PRKAR1B: variants seen among roughly 807,000 people sequenced by gnomAD.
PRKAR1B encodes cAMP-dependent protein kinase type I-beta regulatory subunit.
Under a neutral mutation model 46.5 loss-of-function variants are expected in PRKAR1B, and 22 were observed. The observed-to-expected ratio is 0.47, with a 90% CI of 0.34 to 0.68. The LOEUF (loss-of-function observed/expected upper bound fraction) is 0.68. PRKAR1B is among the 30% of genes least tolerant of loss of function. The probability of loss-of-function intolerance (pLI) is 0.01; values close to 1 mark genes in which losing one functional copy is unlikely to be tolerated. For synonymous variants in PRKAR1B, 259 were observed against 217.7 expected, an observed-to-expected ratio of 1.19 and a Z score of -1.67; for missense variants, 445 against 535.6, an observed-to-expected ratio of 0.83 and a Z score of 1.67.
chr7:668,006 T>C (rs758242192), intron 4 of PRKAR1B, among the ~76,000 whole-genome samples: 2 of 152,228 alleles, frequency 1.3e-5, no homozygotes, highest in African/African-American at 2.4e-5. Flanking sequence ...CAACCTTATG[T>C]ATCTCCCACA....
rs777965152 is a variant in PRKAR1B, at chr7:560,526, CT to C, written c.892-9057del. On this transcript the variant is annotated intron_variant, in intron 9 of 10. Transcript: ENST00000537384. This position sits in a 1 kb window ranked among gnomAD's most constrained non-coding sequence, Gnocchi z 4.2. ...ACACGAGCTTAACCCAGGCTTCCCC[CT>C]GACCTGGCCAGGAACAAATGGGACT... 1.1e-4 allele frequency among the ~76,000 whole-genome samples: 17 copies of C among 152,194 alleles called. No individual in the cohort carries two copies. The highest frequency in any genetic ancestry group is 2.2e-4 in the Non-Finnish European group (15 of 68,034).
chr7:676,798 C>T (rs1026568800), intron 4 of PRKAR1B, among the ~76,000 whole-genome samples: 25 of 152,252 alleles, frequency 1.6e-4, no homozygotes, highest in African/African-American at 5.8e-4. Context: ...GCGGTGATTC[C>T]CAGGAGAGCA....
At chr7:727,458 G>A, upstream of PRKAR1B, 2 of 332,824 alleles carry the variant, frequency 6.0e-6, no homozygotes, top group East Asian at 4.9e-5. Flanking sequence ...CCCCCCATGC[G>A]CCGCTTCCCC....
chr7:726,880 C>T (rs1245470608), intron 1 of PRKAR1B: 2 of 1,327,154 alleles, frequency 1.5e-6, no homozygotes, highest in South Asian at 1.9e-5. Flanking sequence ...GGAGGCCCTG[C>T]GGCGCGCGCT....
intron 4 of PRKAR1B, among the ~76,000 whole-genome samples, chr7:645,946 G>A (rs962600770): frequency 2.6e-5 from 4 of 152,242 alleles, no homozygotes; most frequent in Non-Finnish European, 5.9e-5. Flanking sequence ...AAGGGCAGGA[G>A]CTGACAGCAA....
chr7:588,450 GTGA>G (rs1780727544), intron 7 of PRKAR1B, among the ~76,000 whole-genome samples: 1 of 92,938 alleles, frequency 1.1e-5, no homozygotes, highest in Non-Finnish European at 2.4e-5. Context: ...AGTGGTGATG[GTGA>G]TGGTGATGGT....
Position 549,877 on chromosome 7 carries a change from A to C in PRKAR1B, c.*553T>G. ...GCATCCGCAGCAGGGCCCCCGGGGGAGGTGGGGGTGCGGCGGGGTGCAGTG... is the reference window on the plus strand; with the variant it reads ...GCATCCGCAGCAGGGCCCCCGGGGGCGGTGGGGGTGCGGCGGGGTGCAGTG... On this transcript the variant is annotated 3_prime_UTR_variant, in exon 11 of 11. Transcript: ENST00000537384. The C allele has an allele frequency of 6.5e-6, 1 of 153,970 alleles. No individual in the cohort carries two copies. Among genetic ancestry groups the C allele is most frequent in the Admixed American group, 6.4e-5 (1 of 15,662 alleles). The allele number at this position is 153,970 out of a possible 1,614,324, so 9.5% of individuals were successfully genotyped here.
chr7:685,307 C>CAT (rs1562615688), intron 2 of PRKAR1B, among the ~76,000 whole-genome samples: 4 of 8,346 alleles, frequency 4.8e-4, no homozygotes, highest in African/African-American at 2.0e-3. Context: ...TATATATATA[C>CAT]GTATATATAC....
chr7:569,044 C>A (rs1779342894), intron 9 of PRKAR1B, among the ~76,000 whole-genome samples: 1 of 146,614 alleles, frequency 6.8e-6, no homozygotes, highest in South Asian at 2.3e-4. Context: ...GGGTGTTAAA[C>A]TTTGTATAAT....
At chr7:655,145 G>C (rs1422588706) in intron 4 of PRKAR1B, among the ~76,000 whole-genome samples, 1 of 152,198 alleles carries the variant, frequency 6.6e-6, no homozygotes, top group East Asian at 1.9e-4. Flanking sequence ...TGGAGAGCCA[G>C]ACAGACCCTG....
At chr7:650,470 C>T (rs1332165426) in intron 4 of PRKAR1B, among the ~76,000 whole-genome samples, 1 of 152,112 alleles carries the variant, frequency 6.6e-6, no homozygotes, top group Non-Finnish European at 1.5e-5. Flanking sequence ...CTCCGAACCT[C>T]CAGCTCTGGG....
rs942563617 is a variant in PRKAR1B at position 666,411 on chromosome 7, G to C, written c.440+10818C>G. On this transcript the variant is annotated intron_variant, in intron 4 of 10. Coordinates refer to ENST00000537384, the MANE Select transcript of PRKAR1B (RefSeq NM_001164760.2). The surrounding 1 kb of genome is among the most constrained non-coding windows in gnomAD (Gnocchi z 4.9). ...CCTGGCCGAGGCGTAACTGCCCCGG[G>C]CACCCCAGGTAGGATGCGGAATCTG... is the stretch of plus-strand genomic sequence containing the variant. Among the ~76,000 whole-genome samples, 3 of 152,162 alleles carry C rather than the reference G, an allele frequency of 2.0e-5. No individual in the cohort carries two copies. Among genetic ancestry groups the C allele is most frequent in the Non-Finnish European group, 4.4e-5 (3 of 68,024 alleles).
intron 1 of PRKAR1B, among the ~76,000 whole-genome samples, chr7:724,496 A>T (rs1373304680): frequency 6.6e-6 from 1 of 152,186 alleles, no homozygotes; most frequent in Non-Finnish European, 1.5e-5. Context: ...GCCTTCGGCC[A>T]TCATTGTGAG....
chr7:669,307 A>G (rs1403628638), intron 4 of PRKAR1B, among the ~76,000 whole-genome samples: 2 of 152,200 alleles, frequency 1.3e-5, no homozygotes, highest in African/African-American at 4.8e-5. Context: ...TAGAAAGAGA[A>G]AGTAAATTGG....
At chr7:697,508 G>A (rs1779808028) in intron 2 of PRKAR1B, among the ~76,000 whole-genome samples, 1 of 152,156 alleles carries the variant, frequency 6.6e-6, no homozygotes, top group African/African-American at 2.4e-5. Context: ...TGCCGGGCAG[G>A]CATGAGTGGT....
chr7:665,562 C>T (rs745409111), intron 4 of PRKAR1B, among the ~76,000 whole-genome samples: 78 of 152,244 alleles, frequency 5.1e-4, no homozygotes, highest in Non-Finnish European at 7.1e-4. Context: ...ACCTCAAGGT[C>T]TCCTCTGCTG....
intron 2 of PRKAR1B, among the ~76,000 whole-genome samples, chr7:694,694 G>A (rs1210826805): frequency 6.6e-6 from 1 of 152,104 alleles, no homozygotes. Flanking sequence ...TCTTGCACGA[G>A]TTCGTTACTG....
intron 2 of PRKAR1B, among the ~76,000 whole-genome samples, chr7:706,714 C>T (rs544162595): frequency 5.3e-5 from 8 of 151,952 alleles, no homozygotes; most frequent in South Asian, 2.1e-4. Context: ...CATGAGCCAC[C>T]GCGCCCGGCC....
chr7:721,016 A>G (rs1337680194), intron 1 of PRKAR1B, among the ~76,000 whole-genome samples: 2 of 152,194 alleles, frequency 1.3e-5, no homozygotes, highest in African/African-American at 4.8e-5. Flanking sequence ...ACTGTGGGAT[A>G]CCTGAATGTT....
Sources: allele counts gnomAD v4.1 joint callset (sites outside exome capture counted in the v4.1 genomes callset), GRCh38; gene constraint gnomAD v4.1.1; non-coding constraint Gnocchi (gnomAD v3.1); transcripts MANE v1.5; gene names NCBI Gene and HGNC (gene_info 2026-07-23, HGNC 2026-07-21).